Variants in SLIT3 observed in about 807,000 individuals in gnomAD.
The protein encoded by SLIT3 is slit homolog 3 protein.
In SLIT3, 68 loss-of-function variants were observed where a neutral mutation model predicts 184.0. That is an observed-to-expected ratio of 0.37 (90% CI 0.30 to 0.45). SLIT3 has a LOEUF of 0.45. Ranked by LOEUF, SLIT3 falls within the 20% of genes least tolerant of loss-of-function variation. The pLI is 1.00. For synonymous variants in SLIT3, 831 were observed against 828.6 expected (o/e 1.00, Z -0.05); for missense variants, 1,707 against 2,026.0 (o/e 0.84, Z 3.02).
chr5:169,102,613 T>C (rs572597264), intron 4 of SLIT3, among the ~76,000 whole-genome samples: 2 of 152,282 alleles, frequency 1.3e-5, no homozygotes, highest in South Asian at 4.1e-4. Context: ...CTGCAGTTGG[T>C]TGAAACCATG....
chr5:169,223,371 GT>G (rs1389074889), intron 3 of SLIT3, among the ~76,000 whole-genome samples: 4 of 152,192 alleles, frequency 2.6e-5, no homozygotes. Flanking sequence ...TTGCTGGCTG[GT>G]TCTAACACCT....
At chr5:169,057,058 C>T (rs1025145096) in intron 4 of SLIT3, among the ~76,000 whole-genome samples, 4 of 152,194 alleles carry the variant, frequency 2.6e-5, no homozygotes, top group Non-Finnish European at 5.9e-5. Context: ...TGATATATTT[C>T]ACTTTTTGTG....
At chr5:169,082,386 A>T (rs948310844) in intron 4 of SLIT3, among the ~76,000 whole-genome samples, 1 of 152,232 alleles carries the variant, frequency 6.6e-6, no homozygotes, top group Non-Finnish European at 1.5e-5. Flanking sequence ...ATGTTGGAGT[A>T]ATTTTTTAAA....
At chr5:168,742,604 A>G (rs1001222716) in intron 20 of SLIT3, among the ~76,000 whole-genome samples, 6 of 123,110 alleles carry the variant, frequency 4.9e-5, no homozygotes, top group African/African-American at 2.0e-4. Context: ...TCAAAAACAT[A>G]GAGGAGGAGT....
At chr5:168,708,134 C>T (rs1012212657) in intron 25 of SLIT3, 34 bp from the exon 26 acceptor site, 4 of 1,613,922 alleles carry the variant, frequency 2.5e-6, no homozygotes, top group Non-Finnish European at 3.4e-6. Context: ...GATGGCAGGT[C>T]CTGAGTGCGC....
intron 4 of SLIT3, among the ~76,000 whole-genome samples, chr5:168,911,717 A>G (rs1761259970): frequency 6.6e-6 from 1 of 152,216 alleles, no homozygotes; most frequent in Admixed American, 6.5e-5. Context: ...AGCAGTTTAG[A>G]GCATAGCAAA....
chr5:168,877,863 T>TG (rs111315190), intron 5 of SLIT3, among the ~76,000 whole-genome samples: 4 of 151,160 alleles, frequency 2.6e-5, no homozygotes, highest in Non-Finnish European at 4.4e-5. Context: ...AGGGGACATT[T>TG]AAAAAAAAAC....
chr5:168,711,599 G>A (rs912049044), intron 24 of SLIT3, among the ~76,000 whole-genome samples: 11 of 151,858 alleles, frequency 7.2e-5, no homozygotes, highest in South Asian at 4.2e-4. Flanking sequence ...TAGTATATCC[G>A]TATTATAGTG....
chr5:168,900,160 G>A (rs879454783), intron 4 of SLIT3, among the ~76,000 whole-genome samples: 18 of 152,186 alleles, frequency 1.2e-4, no homozygotes, highest in Non-Finnish European at 2.4e-4. Context: ...GGATGCAGAG[G>A]TAAGGGAGCA....
At chr5:168,999,414 GT>G (rs1755627721) in intron 4 of SLIT3, among the ~76,000 whole-genome samples, 5 of 141,798 alleles carry the variant, frequency 3.5e-5, no homozygotes, top group Non-Finnish European at 1.6e-5. Flanking sequence ...CCATAAGGTT[GT>G]TGGATCAAAT....
intron 12 of SLIT3, among the ~76,000 whole-genome samples, chr5:168,779,040 G>A (rs1476549611): frequency 1.3e-5 from 2 of 152,226 alleles, no homozygotes; most frequent in African/African-American, 4.8e-5. Context: ...GCCACCAGGT[G>A]AACAGCAGGG....
chr5:168,741,420 G>A (rs773270531), intron 20 of SLIT3, among the ~76,000 whole-genome samples: 46 of 135,662 alleles, frequency 3.4e-4, no homozygotes, highest in Non-Finnish European at 6.8e-4. Flanking sequence ...GCAGTAAGCC[G>A]AGATCACACC....
intron 6 of SLIT3, among the ~76,000 whole-genome samples, chr5:168,826,562 C>G (rs1757712224): frequency 6.6e-6 from 1 of 152,216 alleles, no homozygotes. Flanking sequence ...TAGACTGGCT[C>G]TGCCACTTAC....
chr5:168,771,050 G>T (rs1203584832), intron 14 of SLIT3, among the ~76,000 whole-genome samples: 2 of 152,150 alleles, frequency 1.3e-5, no homozygotes, highest in African/African-American at 4.8e-5. Flanking sequence ...ATACTTATGA[G>T]ACCAAAGGGT....
At chr5:168,926,564 C>G (rs557741228) in intron 4 of SLIT3, among the ~76,000 whole-genome samples, 5 of 152,292 alleles carry the variant, frequency 3.3e-5, no homozygotes, top group African/African-American at 1.2e-4. Flanking sequence ...ACCGGCAGAC[C>G]TATATTTCTA....
intron 20 of SLIT3, among the ~76,000 whole-genome samples, chr5:168,747,261 T>C (rs1031887311): frequency 6.6e-6 from 1 of 152,202 alleles, no homozygotes; most frequent in African/African-American, 2.4e-5. Flanking sequence ...CCTAGCAACC[T>C]TGTACCTCTC....
At chr5:168,952,979 CACCT>C (rs1762709938) in intron 4 of SLIT3, among the ~76,000 whole-genome samples, 1 of 152,160 alleles carries the variant, frequency 6.6e-6, no homozygotes, top group African/African-American at 2.4e-5. Context: ...TGGCTAAAGC[CACCT>C]AACAAGGTTT....
intron 4 of SLIT3, among the ~76,000 whole-genome samples, chr5:169,057,168 T>C (rs572867906): frequency 6.6e-6 from 1 of 152,302 alleles, no homozygotes; most frequent in African/African-American, 2.4e-5. Flanking sequence ...ACATGTGACC[T>C]AGGGAAGTTG....
rs1582499794 is a variant in SLIT3 at position 168,662,304 on chromosome 5, G to T, written c.*4150C>A. ...CTTGAGTCTGAGGGGCAGGTCACTT[G>T]TTGCTATGGGCTTCTGCTCCCAGCA... On this transcript the variant is annotated 3_prime_UTR_variant, in exon 36 of 36. Transcript: ENST00000519560. The T allele has an allele frequency of 6.6e-6, 1 of 152,244 alleles. No homozygotes were observed. Among genetic ancestry groups the T allele is most frequent in the Admixed American group, 6.5e-5 (1 of 15,284 alleles). The allele number at this position is 152,244 out of a possible 1,614,324, so 9.4% of individuals were successfully genotyped here.
Sources: gnomAD v4.1 joint callset for allele counts (sites outside exome capture counted in the v4.1 genomes callset) on GRCh38, gnomAD v4.1.1 for gene constraint, MANE v1.5 for transcripts, NCBI Gene and HGNC (gene_info 2026-07-23, HGNC 2026-07-21) for gene names.